Variants in KLHL29 observed in about 807,000 individuals in gnomAD.
KLHL29 encodes the protein kelch like family member 29, also known as kelch-like protein 29.
In KLHL29, 21 loss-of-function variants were observed where a neutral mutation model predicts 80.4. The ratio of observed to expected loss-of-function variants is 0.26; its 90% CI spans 0.19 to 0.38. The LOEUF is 0.38. KLHL29 is among the 10% of genes least tolerant of loss of function. The probability of loss-of-function intolerance (pLI) is 1.00; values close to 1 mark genes in which losing one functional copy is unlikely to be tolerated. For synonymous variants in KLHL29, 511 were observed against 526.8 expected, an observed-to-expected ratio of 0.97 and a Z score of 0.41; for missense variants, 867 against 1,223.9, an observed-to-expected ratio of 0.71 and a Z score of 4.35.
Position 23,706,497 on chromosome 2 carries a change from G to A in KLHL29, c.2461G>A (p.Gly821Ser). 6.5e-7 allele frequency: 1 copy of A among 1,531,096 alleles called. No individual in the cohort carries two copies. The allele number at this position is 1,531,096 out of a possible 1,614,324, so 94.8% of individuals were successfully genotyped here. The stretch of plus-strand genomic sequence containing the variant: ...CCCCAACAGTGCTGTGGTGCTTGAT[G>A]GCAAGATTTATGCAACTGGAGGTAT... ...RQFCSAVVLD[G>S]KIYATGGIVS... The change falls in exon 14 of 14, where the codon GGC (glycine) becomes AGC (serine). Residue 821 changes from glycine (G) to serine (S), a missense_variant. Gly to Ser is a moderately conservative substitution (Grantham distance 56, BLOSUM62 0). Transcript: ENST00000486442.
intron 2 of KLHL29, chr2:23,524,075 G>T (rs146304593): frequency 3.2e-5 from 15 of 471,194 alleles, no homozygotes; most frequent in African/African-American, 1.2e-4. Flanking sequence ...TCCCCATCTA[G>T]GGTTTTTTCT....
intron 1 of KLHL29, among the ~76,000 whole-genome samples, chr2:23,470,192 G>T (rs729790): frequency 0.28 from 42,973 of 152,054 alleles, 7,311 homozygotes; most frequent in Non-Finnish European, 0.39. Context: ...AAGGCAACTA[G>T]GAGATGGGCC....
At chr2:23,472,948 A>G (rs1198142953) in intron 1 of KLHL29, among the ~76,000 whole-genome samples, 1 of 152,204 alleles carries the variant, frequency 6.6e-6, no homozygotes, top group Non-Finnish European at 1.5e-5. Context: ...GTTAAGTAAA[A>G]TGACTATCCA....
At chr2:23,444,491 A>AT in intron 1 of KLHL29, among the ~76,000 whole-genome samples, 1 of 151,820 alleles carries the variant, frequency 6.6e-6, no homozygotes, top group Admixed American at 6.6e-5. Flanking sequence ...TGCCCAGCTA[A>AT]TTTTTTGTAT....
chr2:23,397,200 C>T (rs1666473017), intron 1 of KLHL29, among the ~76,000 whole-genome samples: 1 of 152,214 alleles, frequency 6.6e-6, no homozygotes, highest in Admixed American at 6.5e-5. Flanking sequence ...GATAAAGGCA[C>T]ACAAACGGCC....
chr2:23,623,992 A>C (rs1243973191), intron 3 of KLHL29, among the ~76,000 whole-genome samples: 1 of 152,146 alleles, frequency 6.6e-6, no homozygotes, highest in Admixed American at 6.5e-5. Context: ...ATAGAAGAGA[A>C]TTTTGATGCC....
intron 3 of KLHL29, among the ~76,000 whole-genome samples, chr2:23,606,076 A>G (rs1195376799): frequency 6.6e-6 from 1 of 151,912 alleles, no homozygotes; most frequent in Non-Finnish European, 1.5e-5. Flanking sequence ...GCCAAGGGAA[A>G]ACCTGTCTTA....
intron 3 of KLHL29, among the ~76,000 whole-genome samples, chr2:23,604,655 A>C (rs1367880370): frequency 6.6e-6 from 1 of 152,096 alleles, no homozygotes; most frequent in African/African-American, 2.4e-5. Context: ...CCATCTGCAA[A>C]ATGGAGAGAG....
chr2:23,603,115 C>T (rs1258716740), intron 3 of KLHL29, among the ~76,000 whole-genome samples: 1 of 152,060 alleles, frequency 6.6e-6, no homozygotes, highest in Admixed American at 6.5e-5. Context: ...AGGGAAGTGA[C>T]CCCCCACCCC....
intron 2 of KLHL29, among the ~76,000 whole-genome samples, chr2:23,559,145 G>A (rs2103494804): frequency 6.6e-6 from 1 of 152,288 alleles, no homozygotes; most frequent in Middle Eastern, 3.4e-3. Flanking sequence ...CCTGGCAAAA[G>A]AGCAGCGTGG....
At chr2:23,520,219 C>T (rs1051797684) in intron 2 of KLHL29, among the ~76,000 whole-genome samples, 2 of 152,138 alleles carry the variant, frequency 1.3e-5, no homozygotes, top group African/African-American at 2.4e-5. Context: ...CAGACAAGGC[C>T]AAATCCACCT....
intron 1 of KLHL29, among the ~76,000 whole-genome samples, chr2:23,428,799 G>A (rs1451967377): frequency 2.6e-5 from 4 of 152,160 alleles, no homozygotes; most frequent in African/African-American, 9.7e-5. Flanking sequence ...GAATGATTTG[G>A]GGCCGTTGGC....
intron 2 of KLHL29, among the ~76,000 whole-genome samples, chr2:23,525,945 C>G (rs1164494129): frequency 6.6e-6 from 1 of 152,188 alleles, no homozygotes; most frequent in South Asian, 2.1e-4. Flanking sequence ...ACCCAGCCAC[C>G]CTTCTGGCCT....
At chr2:23,685,680 A>G (rs539793885) in intron 6 of KLHL29, among the ~76,000 whole-genome samples, 1 of 152,076 alleles carries the variant, frequency 6.6e-6, no homozygotes. Context: ...TTCCCATCTC[A>G]TGGACACCTC....
intron 1 of KLHL29, among the ~76,000 whole-genome samples, chr2:23,434,246 G>A (rs570963307): frequency 3.3e-5 from 5 of 150,704 alleles, no homozygotes; most frequent in South Asian, 4.2e-4. Flanking sequence ...GTGTGAACCC[G>A]GGAGGCGGAG....
chr2:23,450,940 G>T (rs1381379355), intron 1 of KLHL29, among the ~76,000 whole-genome samples: 3 of 151,934 alleles, frequency 2.0e-5, no homozygotes, highest in African/African-American at 7.2e-5. Flanking sequence ...CTAATCTATT[G>T]TTTTTTTCTT....
In KLHL29 at chr2:23,589,355, G is replaced by T. The variant is rs927077778; in HGVS notation, c.285+26874G>T. On this transcript the variant is annotated intron_variant, in intron 3 of 13. Coordinates refer to ENST00000486442, the MANE Select transcript of KLHL29 (RefSeq NM_052920.2). ...ATGGAAACTCCGAAGAAGGCAGTGCGCTGGCAGCTGGTCTATTAATAGGGC... is the reference window on the plus strand; with the variant it reads ...ATGGAAACTCCGAAGAAGGCAGTGCTCTGGCAGCTGGTCTATTAATAGGGC... Among the ~76,000 whole-genome samples the T allele has an allele frequency of 1.3e-4, 20 of 152,374 alleles. 1 individual carries two copies. Among genetic ancestry groups the T allele is most frequent in the Admixed American group, 1.0e-3 (16 of 15,312 alleles).
At chr2:23,473,525 G>A (rs1291246253) in intron 1 of KLHL29, among the ~76,000 whole-genome samples, 2 of 152,204 alleles carry the variant, frequency 1.3e-5, no homozygotes, top group South Asian at 2.1e-4. Flanking sequence ...TCCCCTAGAG[G>A]TAGGGACCAC....
chr2:23,421,339 C>T (rs543527857), intron 1 of KLHL29, among the ~76,000 whole-genome samples: 8 of 152,268 alleles, frequency 5.3e-5, no homozygotes, highest in East Asian at 1.9e-4. Flanking sequence ...AGGGCAGAGC[C>T]GGAGGCTGGG....
Sources: allele counts gnomAD v4.1 joint callset (sites outside exome capture counted in the v4.1 genomes callset), GRCh38; gene constraint gnomAD v4.1.1; transcripts MANE v1.5; gene names NCBI Gene and HGNC (gene_info 2026-07-23, HGNC 2026-07-21).